Variants in SORCS2 observed in about 807,000 individuals in gnomAD.
SORCS2 encodes VPS10 domain-containing receptor SorCS2.
A neutral mutation model predicts 141.6 loss-of-function variants in SORCS2; 100 were observed. That is an observed-to-expected ratio of 0.71 (90% CI 0.60 to 0.83). SORCS2 has a LOEUF of 0.83. SORCS2 is among the 40% of genes least tolerant of loss of function. SORCS2 has a pLI of 0.00. For synonymous variants in SORCS2, 789 were observed against 676.9 expected, an observed-to-expected ratio of 1.17 and a Z score of -2.57; for missense variants, 1,646 against 1,560.2, an observed-to-expected ratio of 1.05 and a Z score of -0.93.
chr4:7,492,340 G>A (rs1388250305), intron 2 of SORCS2, among the ~76,000 whole-genome samples: 1 of 152,214 alleles, frequency 6.6e-6, no homozygotes, highest in Non-Finnish European at 1.5e-5. Flanking sequence ...GTCTTTCTGT[G>A]CCTGGCTTGT....
intron 3 of SORCS2, among the ~76,000 whole-genome samples, chr4:7,577,963 T>A (rs141666809): frequency 6.6e-6 from 1 of 151,692 alleles, no homozygotes; most frequent in Non-Finnish European, 1.5e-5. Flanking sequence ...ACTGGCGAAG[T>A]CAGCTAGTGC....
intron 2 of SORCS2, among the ~76,000 whole-genome samples, chr4:7,498,048 C>G (rs969744690): frequency 6.6e-6 from 1 of 152,380 alleles, no homozygotes; most frequent in East Asian, 1.9e-4. Context: ...GACCAGGCCT[C>G]CGTTTCGGGA....
chr4:7,491,749 G>A (rs1002435124), intron 2 of SORCS2, among the ~76,000 whole-genome samples: 1 of 152,046 alleles, frequency 6.6e-6, no homozygotes, highest in African/African-American at 2.4e-5. Context: ...CCCACCCCCC[G>A]TTAAGGCAGC....
intron 15 of SORCS2, among the ~76,000 whole-genome samples, chr4:7,713,690 G>A (rs1725980000): frequency 6.6e-6 from 1 of 152,188 alleles, no homozygotes; most frequent in Non-Finnish European, 1.5e-5. Flanking sequence ...GGTGGGCGGT[G>A]CCTGCCAAAC....
intron 3 of SORCS2, among the ~76,000 whole-genome samples, chr4:7,574,635 G>C (rs919840036): frequency 3.3e-5 from 5 of 151,918 alleles, no homozygotes; most frequent in Admixed American, 2.6e-4. Context: ...AAGGAGAGAA[G>C]GGAGGAAGGG....
At position 7,448,604 on chromosome 4, in the gene SORCS2, C is replaced by CCCTT. The variant is rs10531260; in HGVS notation, c.548+52274_548+52277dup. Reference sequence around the variant, plus strand: ...CTCTCCTTTCCCTCTCTTCCTCTATCCCTTCCTTCCTTCCTTCCTTCCTTC... The same window carrying CCCTT: ...CTCTCCTTTCCCTCTCTTCCTCTATCCCTTCCTTCCTTCCTTCCTTCCTTCCTTC... On this transcript the variant is annotated intron_variant, in intron 2 of 26. Coordinates refer to ENST00000507866, the MANE Select transcript of SORCS2 (RefSeq NM_020777.3). Among the ~76,000 whole-genome samples, 118 of 115,660 alleles carry CCCTT rather than the reference C, an allele frequency of 1.0e-3. 1 individual carries two copies. The highest frequency in any genetic ancestry group is 3.8e-3 in the African/African-American group (115 of 30,008). The allele number at this position is 115,660 out of a possible 152,430, so 75.9% of individuals were successfully genotyped here.
chr4:7,738,607 C>G (rs575640313), intron 26 of SORCS2, among the ~76,000 whole-genome samples: 1 of 152,272 alleles, frequency 6.6e-6, no homozygotes, highest in Non-Finnish European at 1.5e-5. Context: ...CAGGAAGCCA[C>G]GGAGGTCTTG....
chr4:7,556,577 C>T (rs1714120775), intron 3 of SORCS2, among the ~76,000 whole-genome samples: 1 of 152,142 alleles, frequency 6.6e-6, no homozygotes, highest in Non-Finnish European at 1.5e-5. Context: ...GTTCACTTTT[C>T]ATAAGAGTAT....
intron 2 of SORCS2, among the ~76,000 whole-genome samples, chr4:7,400,945 A>G (rs1241342802): frequency 6.6e-6 from 1 of 150,552 alleles, no homozygotes; most frequent in African/African-American, 2.4e-5. Context: ...ATGGATAGAT[A>G]GATGGATAGA....
intron 4 of SORCS2, among the ~76,000 whole-genome samples, chr4:7,649,893 C>T (rs138073754): frequency 6.6e-6 from 1 of 152,174 alleles, no homozygotes; most frequent in Non-Finnish European, 1.5e-5. Context: ...GACAAGGACA[C>T]GTGGGAACAG....
chr4:7,592,886 T>G (rs1324363315), intron 3 of SORCS2, among the ~76,000 whole-genome samples: 1 of 152,228 alleles, frequency 6.6e-6, no homozygotes, highest in Non-Finnish European at 1.5e-5. Context: ...TCATAGTAGT[T>G]GTAAAGCAAA....
intron 1 of SORCS2, among the ~76,000 whole-genome samples, chr4:7,252,755 C>A (rs1713591961): frequency 6.6e-6 from 1 of 152,170 alleles, no homozygotes; most frequent in Non-Finnish European, 1.5e-5. Flanking sequence ...CATGGAGGGC[C>A]CTTCCTCACC....
chr4:7,299,036 C>T (rs1469720314), intron 1 of SORCS2, among the ~76,000 whole-genome samples: 4 of 152,362 alleles, frequency 2.6e-5, no homozygotes, highest in African/African-American at 7.2e-5. Context: ...CGTTCTGGCC[C>T]CGCCACCCCC....
intron 14 of SORCS2, among the ~76,000 whole-genome samples, chr4:7,712,147 G>T (rs145741342): frequency 1.3e-5 from 2 of 152,264 alleles, no homozygotes; most frequent in Non-Finnish European, 2.9e-5. Context: ...AGGCTGCGAC[G>T]GGCCAACCTT....
intron 2 of SORCS2, among the ~76,000 whole-genome samples, chr4:7,512,051 C>T (rs1054494690): frequency 2.6e-5 from 4 of 152,142 alleles, no homozygotes; most frequent in African/African-American, 7.2e-5. Flanking sequence ...CACACTGGTG[C>T]CTTTAGAATA....
chr4:7,263,895 C>T (rs906342913), intron 1 of SORCS2, among the ~76,000 whole-genome samples: 1 of 152,206 alleles, frequency 6.6e-6, no homozygotes, highest in Non-Finnish European at 1.5e-5. Flanking sequence ...GCGTCTCGTT[C>T]CCACCGTGGG....
At chr4:7,456,989 AG>A (rs1255378718) in intron 2 of SORCS2, among the ~76,000 whole-genome samples, 1 of 152,130 alleles carries the variant, frequency 6.6e-6, no homozygotes, top group African/African-American at 2.4e-5. Flanking sequence ...CGACGAGGTC[AG>A]GGTGAAGGCC....
chr4:7,475,523 CAG>C (rs1158591942), intron 2 of SORCS2, among the ~76,000 whole-genome samples: 1 of 152,228 alleles, frequency 6.6e-6, no homozygotes, highest in East Asian at 1.9e-4. Flanking sequence ...GAGGCTGAGA[CAG>C]AGCATGGCCA....
intron 10 of SORCS2, among the ~76,000 whole-genome samples, chr4:7,688,196 A>C (rs867041479): frequency 6.6e-6 from 1 of 152,180 alleles, no homozygotes; most frequent in Non-Finnish European, 1.5e-5. Context: ...CTCTGACGTG[A>C]TGTTAGTAGA....
Sources: allele counts gnomAD v4.1 joint callset (sites outside exome capture counted in the v4.1 genomes callset), GRCh38; gene constraint gnomAD v4.1.1; transcripts MANE v1.5; gene names NCBI Gene and HGNC (gene_info 2026-07-23, HGNC 2026-07-21).